ZNF804B: variants seen among roughly 807,000 people sequenced by gnomAD.
The protein encoded by ZNF804B is zinc finger 804B.
In ZNF804B, 80 loss-of-function variants were observed where a neutral mutation model predicts 101.4. The observed-to-expected ratio is 0.79, with a 90% CI of 0.66 to 0.95. The LOEUF is 0.95. Ranked by LOEUF, ZNF804B falls within the 40% of genes least tolerant of loss-of-function variation. The probability of loss-of-function intolerance (pLI) is 0.00; values close to 1 mark genes in which losing one functional copy is unlikely to be tolerated. For missense variants in ZNF804B, 1,673 were observed against 1,561.9 expected, an observed-to-expected ratio of 1.07 and a Z score of -1.20; for synonymous variants, 622 against 558.8, an observed-to-expected ratio of 1.11 and a Z score of -1.59.
chr7:89,138,179 G>A (rs1486994144), intron 1 of ZNF804B, among the ~76,000 whole-genome samples: 2 of 152,124 alleles, frequency 1.3e-5, no homozygotes, highest in African/African-American at 4.8e-5. Context: ...TGCTAGGGCA[G>A]TGCAGAAGGG....
At chr7:89,130,408 T>C (rs372796047) in intron 1 of ZNF804B, among the ~76,000 whole-genome samples, 2 of 152,002 alleles carry the variant, frequency 1.3e-5, no homozygotes, top group Admixed American at 6.6e-5. Context: ...AGATGACCTA[T>C]AGGAAATGTT....
At chr7:89,174,561 A>C (rs1025088461) in intron 1 of ZNF804B, among the ~76,000 whole-genome samples, 2 of 151,988 alleles carry the variant, frequency 1.3e-5, no homozygotes, top group African/African-American at 4.8e-5. Context: ...TAAACATGGG[A>C]GTATAGGTAT....
At chr7:88,967,382 A>C (rs937169431) in intron 1 of ZNF804B, among the ~76,000 whole-genome samples, 2 of 151,376 alleles carry the variant, frequency 1.3e-5, no homozygotes, top group Non-Finnish European at 3.0e-5. Flanking sequence ...CACTATTACG[A>C]GGGGGAAATC....
chr7:89,178,363 A>G (rs1164718940), intron 1 of ZNF804B, among the ~76,000 whole-genome samples: 2 of 150,044 alleles, frequency 1.3e-5, no homozygotes, highest in Admixed American at 1.3e-4. Context: ...TCCTTCTTAT[A>G]AAATTTATTT....
chr7:88,988,483 A>G (rs960098631), intron 1 of ZNF804B, among the ~76,000 whole-genome samples: 1 of 152,180 alleles, frequency 6.6e-6, no homozygotes, highest in African/African-American at 2.4e-5. Flanking sequence ...TGACGTATAT[A>G]CAGCATCAAC....
intron 1 of ZNF804B, among the ~76,000 whole-genome samples, chr7:89,119,496 T>G (rs1790366102): frequency 6.6e-6 from 1 of 152,346 alleles, no homozygotes; most frequent in Non-Finnish European, 1.5e-5. Context: ...AATATTAATT[T>G]GCTTTGCTTT....
chr7:89,198,563 C>T, intron 1 of ZNF804B, among the ~76,000 whole-genome samples: 1 of 151,786 alleles, frequency 6.6e-6, no homozygotes. Flanking sequence ...TGTCACTACT[C>T]AAGGAATATT....
chr7:89,212,151 CT>C (rs1159990089), intron 1 of ZNF804B, among the ~76,000 whole-genome samples: 1 of 151,810 alleles, frequency 6.6e-6, no homozygotes, highest in Non-Finnish European at 1.5e-5. Flanking sequence ...ATAAAAATTC[CT>C]CTCACCTGCC....
intron 2 of ZNF804B, among the ~76,000 whole-genome samples, chr7:89,224,369 C>T (rs1051489990): frequency 9.9e-5 from 15 of 152,014 alleles, no homozygotes; most frequent in African/African-American, 3.6e-4. Context: ...CACCCCATCT[C>T]TACTTGCTCT....
intron 1 of ZNF804B, among the ~76,000 whole-genome samples, chr7:88,813,779 A>G (rs186143853): frequency 1.1e-4 from 17 of 152,286 alleles, no homozygotes; most frequent in African/African-American, 4.1e-4. Context: ...AAACTTATAT[A>G]TTTTCTTATC....
chr7:88,864,503 A>G (rs145795202), intron 1 of ZNF804B, among the ~76,000 whole-genome samples: 1 of 152,314 alleles, frequency 6.6e-6, no homozygotes, highest in African/African-American at 2.4e-5. Context: ...GCTTGGCCAT[A>G]TGAGATGTCT....
chr7:89,062,684 C>T (rs113496932), intron 1 of ZNF804B, among the ~76,000 whole-genome samples: 38 of 152,148 alleles, frequency 2.5e-4, no homozygotes, highest in African/African-American at 8.2e-4. Flanking sequence ...TGACTGCTGA[C>T]GACTAACACA....
rs757798037 is a variant in ZNF804B at position 89,333,375 on chromosome 7, T to C, written c.393T>C (p.Asn131=). 9 of 1,592,102 alleles carry C rather than the reference T, an allele frequency of 5.7e-6. No individual in the cohort carries two copies. In the East Asian group the frequency reaches 1.1e-4, roughly 20 times the overall value. Residue 131 remains asparagine (N), a synonymous_variant, in exon 4 of 4, where the codon AAT becomes AAC. Coordinates refer to ENST00000333190, the MANE Select transcript of ZNF804B (RefSeq NM_181646.5). Reference sequence around the variant, plus strand: ...ATTGTATTTACAGTGTTTCTGGAAATGGACCAGCATACAAAGCCCCCAGGG... The same window carrying C: ...ATTGTATTTACAGTGTTTCTGGAAACGGACCAGCATACAAAGCCCCCAGGG... ...LRQQSECVSG[N]GPAYKAPRVA...
At chr7:89,247,843 A>C (rs1368537733) in intron 2 of ZNF804B, among the ~76,000 whole-genome samples, 1 of 152,190 alleles carries the variant, frequency 6.6e-6, no homozygotes, top group Admixed American at 6.5e-5. Context: ...GAAAAGCAAC[A>C]CAAAGGAATT....
chr7:89,019,217 C>T (rs1266330754), intron 1 of ZNF804B, among the ~76,000 whole-genome samples: 1 of 151,866 alleles, frequency 6.6e-6, no homozygotes, highest in Non-Finnish European at 1.5e-5. Context: ...TTTTAAATTT[C>T]CTTCTCAGTT....
intron 2 of ZNF804B, among the ~76,000 whole-genome samples, chr7:89,229,000 G>GGGGCCGGCC (rs1789142932): frequency 6.6e-6 from 1 of 151,766 alleles, no homozygotes; most frequent in African/African-American, 2.4e-5. Context: ...CAGTGCCGGC[G>GGGGCCGGCC]GGGCCGGCCG....
chr7:88,921,802 A>G (rs944323939), intron 1 of ZNF804B, among the ~76,000 whole-genome samples: 7 of 152,066 alleles, frequency 4.6e-5, no homozygotes, highest in Non-Finnish European at 8.8e-5. Flanking sequence ...TTTAGGAATA[A>G]ACATGGTATA....
chr7:89,335,860 C>T lies in ZNF804B; in HGVS notation c.2878C>T (p.Gln960Ter). ...SCKSELEAPS[Q>*]VPCTIQLAPS... ...TAAAAGTGAATTAGAGGCTCCTTCG[C>T]AAGTCCCATGCACAATTCAACTTGC... Residue 960 changes from glutamine to a stop codon, truncating the protein, a stop_gained, in exon 4 of 4, where the codon CAA becomes TAA. Coordinates refer to ENST00000333190, the MANE Select transcript of ZNF804B (RefSeq NM_181646.5). LOFTEE classifies it high-confidence loss of function. 1.2e-6 allele frequency: 2 copies of T among 1,614,026 alleles called. No individual in the cohort carries two copies. The highest frequency in any genetic ancestry group is 1.7e-6 in the Non-Finnish European group (2 of 1,179,970).
intron 1 of ZNF804B, among the ~76,000 whole-genome samples, chr7:88,800,367 C>T (rs750695954): frequency 2.6e-5 from 4 of 152,034 alleles, no homozygotes; most frequent in Non-Finnish European, 5.9e-5. Context: ...TTGGTAATTA[C>T]TTATCAAGGA....
Sources: allele counts gnomAD v4.1 joint callset (sites outside exome capture counted in the v4.1 genomes callset), GRCh38; gene constraint gnomAD v4.1.1; transcripts MANE v1.5; gene names NCBI Gene and HGNC (gene_info 2026-07-23, HGNC 2026-07-21).